The following DEFB135 variants were observed in gnomAD, a reference collection of about 807,000 sequenced individuals.
DEFB135 encodes the protein defensin beta 135.
A neutral mutation model predicts 8.9 loss-of-function variants in DEFB135; 14 were observed. That is an observed-to-expected ratio of 1.58 (90% CI 1.04 to 2.47). The LOEUF (loss-of-function observed/expected upper bound fraction) is 2.47. Ranked by LOEUF, DEFB135 falls within the 30% of genes most tolerant of loss-of-function variation. The pLI, the probability that DEFB135 is intolerant of heterozygous loss-of-function variation, is 0.00. For missense variants in DEFB135, 135 were observed against 94.2 expected (o/e 1.43, Z -1.79); for synonymous variants, 51 against 34.5 (o/e 1.48, Z -1.67).
chr8:11,982,493 A>C, intron 1 of DEFB135, 109 bp downstream of exon 1: 36 of 1,223,230 alleles, frequency 2.9e-5, no homozygotes, highest in Non-Finnish European at 4.1e-5. Context: ...AAGCTGCAAC[A>C]GGGAGGAAAG....
intron 1 of DEFB135, 107 bp from the exon 2 acceptor site, chr8:11,984,313 TA>T: frequency 1.1e-6 from 1 of 881,076 alleles, no homozygotes. Flanking sequence ...TGATCGCGTC[TA>T]ATTCATTATT....
At chr8:11,982,925 G>T (rs1345668025) in intron 1 of DEFB135, among the ~76,000 whole-genome samples, 1 of 152,188 alleles carries the variant, frequency 6.6e-6, no homozygotes, top group Non-Finnish European at 1.5e-5. Context: ...ACATTCTGTG[G>T]ACAGAAGCCA....
intron 1 of DEFB135, among the ~76,000 whole-genome samples, chr8:11,983,172 T>C (rs1317505046): frequency 6.6e-6 from 1 of 152,134 alleles, no homozygotes; most frequent in Admixed American, 6.5e-5. Context: ...GTCGAGTGGA[T>C]CACCTGAGGT....
rs750731894 is a variant in DEFB135 at position 11,984,524 on chromosome 8, T to C, written c.168T>C (p.Ile56=). ...GTCTAAAAAACGAACAATATCGTAT[T>C]TTGTGTGATACTATACATTTGTGCT... The part of the protein sequence containing the change: ...PKCLKNEQYR[I]LCDTIHLCCV... Residue 56 remains isoleucine, a synonymous_variant, in exon 2 of 2, where the codon ATT becomes ATC. Transcript: ENST00000382208. The C allele has an allele frequency of 1.9e-6, 3 of 1,585,922 alleles. No homozygotes were observed. The Admixed American group carries it at 5.1e-5, about 27-fold the overall frequency.
intron 1 of DEFB135, among the ~76,000 whole-genome samples, chr8:11,983,394 A>G (rs1049921413): frequency 6.6e-6 from 1 of 152,158 alleles, no homozygotes; most frequent in Non-Finnish European, 1.5e-5. Context: ...TCATCTCAAA[A>G]ATAAAAATTA....
rs905166265 is a variant in DEFB135 at position 11,983,106 on chromosome 8, A to G, written c.64+722A>G. Among the ~76,000 whole-genome samples the G allele has an allele frequency of 3.3e-5, 5 of 152,174 alleles. 1 individual carries two copies. Among genetic ancestry groups the G allele is most frequent in the South Asian group, 4.1e-4 (2 of 4,830 alleles). On this transcript the variant is annotated intron_variant, in intron 1 of 1. Transcript: ENST00000382208. ...CAAGTGTGAAGTGTTTAAAAGACAG[A>G]TATGAGGCTGGGCGCGGTGGCTCAC...
intron 1 of DEFB135, 82 bp from the exon 2 acceptor site, chr8:11,984,337 CTA>C (rs1270315217): frequency 8.9e-7 from 1 of 1,118,414 alleles, no homozygotes; most frequent in Non-Finnish European, 1.2e-6. Flanking sequence ...AAAGTGAAAA[CTA>C]TGGTCTGAGG....
chr8:11,984,338 T>G (rs1376462659), intron 1 of DEFB135, 83 bp from the exon 2 acceptor site: 2 of 1,126,516 alleles, frequency 1.8e-6, no homozygotes, highest in Non-Finnish European at 2.4e-6. Context: ...AAGTGAAAAC[T>G]ATGGTCTGAG....
At chr8:11,982,434 A>T (rs1239873947) in intron 1 of DEFB135, 50 bp downstream of exon 1, 12 of 1,601,322 alleles carry the variant, frequency 7.5e-6, no homozygotes, top group African/African-American at 1.3e-5. Context: ...AAGGGAAAAA[A>T]GGTGTGAGGT....
intron 1 of DEFB135, 44 bp from the exon 2 acceptor site, chr8:11,984,377 C>G (rs779956562): frequency 1.4e-6 from 2 of 1,388,988 alleles, no homozygotes; most frequent in East Asian, 5.1e-5. Flanking sequence ...CAACATGACA[C>G]TTCAGGACAC....
chr8:11,984,423 A>C lies in DEFB135; in HGVS notation c.67A>C (p.Arg23=). The change falls in exon 2 of 2, where the codon AGA becomes CGA. Residue 23 remains arginine (R), a splice_region_variant and synonymous_variant. Coordinates refer to ENST00000382208, the MANE Select transcript of DEFB135 (RefSeq NM_001033017.3). The part of the protein sequence containing the change: ...LNLLFYVPPG[R]SGPNVYIQKI... Reference sequence around the variant, plus strand: ...TTAACCTTTGTTTCTCTTGGCAGGTAGAAGTGGACCCAATGTCTACATACA... The same window carrying C: ...TTAACCTTTGTTTCTCTTGGCAGGTCGAAGTGGACCCAATGTCTACATACA... 4 of 1,536,222 alleles carry C rather than the reference A, an allele frequency of 2.6e-6. No homozygotes were observed. The highest frequency in any genetic ancestry group is 1.2e-5 in the South Asian group (1 of 80,822).
At chr8:11,982,940 C>G (rs1032444680) in intron 1 of DEFB135, among the ~76,000 whole-genome samples, 1 of 152,144 alleles carries the variant, frequency 6.6e-6, no homozygotes, top group African/African-American at 2.4e-5. Context: ...AAGCCAGCAA[C>G]TTGGTGATAA....
At chr8:11,982,692 T>A (rs767751521) in intron 1 of DEFB135, among the ~76,000 whole-genome samples, 1 of 152,150 alleles carries the variant, frequency 6.6e-6, no homozygotes, top group African/African-American at 2.4e-5. Context: ...AGATGAGACT[T>A]TCAAAGAATA....
intron 1 of DEFB135, among the ~76,000 whole-genome samples, chr8:11,982,876 T>C (rs1200604997): frequency 6.6e-6 from 1 of 152,184 alleles, no homozygotes; most frequent in Non-Finnish European, 1.5e-5. Context: ...TATAGCATGA[T>C]GAGGTCCTAT....
rs1194445671 is a variant in DEFB135, at chr8:11,984,513, C to A, written c.157C>A (p.Gln53Lys). 2 of 1,588,682 alleles carry A rather than the reference C, an allele frequency of 1.3e-6. No homozygotes were observed. Among genetic ancestry groups the A allele is most frequent in the Non-Finnish European group, 1.7e-6 (2 of 1,160,432 alleles). Residue 53 changes from glutamine (Q) to lysine (K), a missense_variant, in exon 2 of 2, where the codon CAA becomes AAA. Physicochemically the swap from Gln to Lys is moderately conservative, Grantham distance 53. Coordinates refer to ENST00000382208, the MANE Select transcript of DEFB135 (RefSeq NM_001033017.3). ...TCRPKCLKNEQYRILCDTIHL... is the reference protein window; with the variant it reads ...TCRPKCLKNEKYRILCDTIHL... Reference sequence around the variant, plus strand: ...CCGGCCAAAATGTCTAAAAAACGAACAATATCGTATTTTGTGTGATACTAT... The same window carrying A: ...CCGGCCAAAATGTCTAAAAAACGAAAAATATCGTATTTTGTGTGATACTAT...
chr8:11,982,948 T>C (rs892183540), intron 1 of DEFB135, among the ~76,000 whole-genome samples: 7 of 152,214 alleles, frequency 4.6e-5, no homozygotes, highest in Non-Finnish European at 1.0e-4. Flanking sequence ...AACTTGGTGA[T>C]AATGAGAAGA....
intron 1 of DEFB135, among the ~76,000 whole-genome samples, chr8:11,983,554 A>C (rs1799784442): frequency 6.6e-6 from 1 of 152,156 alleles, no homozygotes; most frequent in South Asian, 2.1e-4. Context: ...TAGGGAGCAC[A>C]TGGTGGGCAA....
At chr8:11,982,487 T>C in intron 1 of DEFB135, 103 bp downstream of exon 1, 1 of 1,324,874 alleles carries the variant, frequency 7.5e-7, no homozygotes, top group Non-Finnish European at 1.1e-6. Flanking sequence ...CAAAGGAAGC[T>C]GCAACAGGGA....
At position 11,984,459 on chromosome 8, in the gene DEFB135, G is replaced by C; in HGVS notation, c.103G>C (p.Ala35Pro). Residue 35 changes from alanine (A) to proline (P), a missense_variant, in exon 2 of 2, where the codon GCT (alanine) becomes CCT (proline). Transcript: ENST00000382208. Reference protein sequence around the residue: ...GPNVYIQKIFASCWRLQGTCR... With the variant: ...GPNVYIQKIFPSCWRLQGTCR... Reference sequence around the variant, plus strand: ...CAATGTCTACATACAAAAAATCTTTGCTTCATGTTGGCGACTGCAAGGTAC... The same window carrying C: ...CAATGTCTACATACAAAAAATCTTTCCTTCATGTTGGCGACTGCAAGGTAC... The C allele has an allele frequency of 6.4e-7, 1 of 1,569,678 alleles. No individual in the cohort carries two copies. The highest frequency in any genetic ancestry group is 8.7e-7 in the Non-Finnish European group (1 of 1,149,180).
Sources: gnomAD v4.1 joint callset for allele counts (sites outside exome capture counted in the v4.1 genomes callset) on GRCh38, gnomAD v4.1.1 for gene constraint, MANE v1.5 for transcripts, NCBI Gene and HGNC (gene_info 2026-07-23, HGNC 2026-07-21) for gene names.